SBF2: variants seen among roughly 807,000 people sequenced by gnomAD.
The protein encoded by SBF2 is myotubularin-related protein 13.
A neutral mutation model predicts 225.2 loss-of-function variants in SBF2; 112 were observed. The observed-to-expected ratio is 0.50, with a 90% CI of 0.43 to 0.58. The LOEUF (loss-of-function observed/expected upper bound fraction) is 0.58, where lower values mean the gene tolerates loss of function less well. Among genes scored for constraint, SBF2 ranks in the 20% least tolerant of loss-of-function variants. SBF2 has a pLI of 0.00. For missense variants in SBF2, 1,996 were observed against 2,206.2 expected (o/e 0.90, Z 1.91); for synonymous variants, 763 against 773.3 (o/e 0.99, Z 0.22).
At chr11:10,191,876 T>C (rs887209823) in intron 2 of SBF2, among the ~76,000 whole-genome samples, 3 of 152,226 alleles carry the variant, frequency 2.0e-5, no homozygotes, top group Non-Finnish European at 4.4e-5. Context: ...AAAACAACAC[T>C]ATCCTTTCTC....
chr11:10,183,107 T>C (rs1385879588), intron 2 of SBF2, among the ~76,000 whole-genome samples: 2 of 152,174 alleles, frequency 1.3e-5, no homozygotes, highest in Non-Finnish European at 2.9e-5. Flanking sequence ...GGTTTCACCA[T>C]GTTGCCCAGG....
At chr11:10,289,459 G>A (rs569778150) in intron 1 of SBF2, among the ~76,000 whole-genome samples, 18 of 152,234 alleles carry the variant, frequency 1.2e-4, no homozygotes, top group African/African-American at 4.3e-4. Context: ...GTAGCCTGGA[G>A]CAGGGGCTCC....
chr11:9,827,687 A>G lies in SBF2; in HGVS notation c.3793+1669T>C, dbSNP rs535325746. ...TTTCCTCATGTCAGCAGCTACCTGGATATCATGATGTCTTATCCTCCAAAC... is the reference window on the plus strand; with the variant it reads ...TTTCCTCATGTCAGCAGCTACCTGGGTATCATGATGTCTTATCCTCCAAAC... On this transcript the variant is annotated intron_variant, in intron 28 of 39. Coordinates refer to ENST00000256190, the MANE Select transcript of SBF2 (RefSeq NM_030962.4). Among the ~76,000 whole-genome samples, 46 of 152,348 alleles carry G rather than the reference A, an allele frequency of 3.0e-4. No individual in the cohort carries two copies. The South Asian group carries it at 9.3e-3, about 31-fold the overall frequency.
At chr11:10,063,327 A>AAT (rs149369410) in intron 2 of SBF2, among the ~76,000 whole-genome samples, 116 of 88,130 alleles carry the variant, frequency 1.3e-3, no homozygotes, top group African/African-American at 3.0e-3. Flanking sequence ...AAGTAAAAAA[A>AAT]ATATATATAT....
intron 1 of SBF2, among the ~76,000 whole-genome samples, chr11:10,252,570 A>G (rs1821373005): frequency 6.6e-6 from 1 of 152,162 alleles, no homozygotes; most frequent in Non-Finnish European, 1.5e-5. Context: ...TTGGGAGGCC[A>G]AGGCGGGCAG....
At chr11:9,890,046 G>A (rs1245812072) in intron 17 of SBF2, among the ~76,000 whole-genome samples, 4 of 152,138 alleles carry the variant, frequency 2.6e-5, no homozygotes, top group Non-Finnish European at 5.9e-5. Context: ...TGGGACTACA[G>A]AAGTGTGCCA....
At position 9,847,219 on chromosome 11, in the gene SBF2, G is replaced by C. The variant is rs923397931; in HGVS notation, c.2807-136C>G. ...CTGCCCAGGGATGCAGTGAAAGAAA[G>C]TGCCCTTCACTCCAGAAAAGGATTA... On this transcript the variant is annotated intron_variant, in intron 22 of 39. Transcript: ENST00000256190. The C allele has an allele frequency of 8.4e-6, 9 of 1,072,610 alleles. No homozygotes were observed. The Admixed American group carries it at 1.4e-4, about 16-fold the overall frequency. 66.4% of individuals were successfully genotyped at this position (1,072,610 alleles called of 1,614,324 possible).
intron 16 of SBF2, chr11:9,961,723 A>G (rs149491102): frequency 2.3e-6 from 1 of 441,614 alleles, no homozygotes; most frequent in African/African-American, 2.0e-5. Flanking sequence ...CTTATATTAC[A>G]GAACTAGTAA....
chr11:10,175,870 G>A (rs1382535983), intron 2 of SBF2, among the ~76,000 whole-genome samples: 24 of 151,806 alleles, frequency 1.6e-4, no homozygotes, highest in Admixed American at 1.1e-3. Context: ...ACTCAAAACC[G>A]CTCAACTACA....
At chr11:10,196,006 C>A (rs1346246444) in intron 1 of SBF2, among the ~76,000 whole-genome samples, 1 of 152,160 alleles carries the variant, frequency 6.6e-6, no homozygotes, top group Non-Finnish European at 1.5e-5. Context: ...AGTCCCTATC[C>A]TAAAGGAACT....
chr11:9,873,770 C>T (rs185028074), intron 17 of SBF2, among the ~76,000 whole-genome samples: 155 of 152,248 alleles, frequency 1.0e-3, no homozygotes, highest in African/African-American at 3.4e-3. Flanking sequence ...TATTTCTGGC[C>T]GGGCACGGTG....
intron 2 of SBF2, among the ~76,000 whole-genome samples, chr11:10,155,902 G>A (rs1439378658): frequency 6.6e-6 from 1 of 152,214 alleles, no homozygotes; most frequent in Non-Finnish European, 1.5e-5. Context: ...GTTTGGAGGA[G>A]CCCCTGTGGG....
At chr11:10,232,964 A>G (rs1366477528) in intron 1 of SBF2, among the ~76,000 whole-genome samples, 1 of 152,210 alleles carries the variant, frequency 6.6e-6, no homozygotes, top group Admixed American at 6.5e-5. Flanking sequence ...CAGGAAAACC[A>G]AGAGTACAAA....
intron 1 of SBF2, among the ~76,000 whole-genome samples, chr11:10,196,866 A>ATATATATATATATT: frequency 2.0e-5 from 2 of 99,314 alleles, no homozygotes; most frequent in African/African-American, 8.1e-5. Flanking sequence ...ATATATATAT[A>ATATATATATATATT]TTTTTTTTTT....
intron 34 of SBF2, among the ~76,000 whole-genome samples, chr11:9,790,090 G>A (rs1292181104): frequency 1.3e-5 from 2 of 152,242 alleles, no homozygotes; most frequent in Admixed American, 6.5e-5. Flanking sequence ...CGTGTGTTAT[G>A]TAGATGTGCA....
intron 17 of SBF2, among the ~76,000 whole-genome samples, chr11:9,877,662 T>C (rs1859375968): frequency 1.3e-5 from 2 of 152,330 alleles, no homozygotes; most frequent in Middle Eastern, 3.4e-3. Context: ...TTTTCTGCTC[T>C]TGCGATAGTT....
intron 1 of SBF2, among the ~76,000 whole-genome samples, chr11:10,226,247 G>C (rs1302660699): frequency 1.3e-5 from 2 of 151,988 alleles, no homozygotes; most frequent in Non-Finnish European, 2.9e-5. Flanking sequence ...AAATAAACGA[G>C]TCACAAAACA....
intron 2 of SBF2, among the ~76,000 whole-genome samples, chr11:10,086,053 G>A (rs574228103): frequency 6.2e-5 from 9 of 145,056 alleles, no homozygotes; most frequent in African/African-American, 2.3e-4. Flanking sequence ...GTGCATGCAC[G>A]TGTGTGTGTT....
intron 2 of SBF2, among the ~76,000 whole-genome samples, chr11:10,092,846 A>T (rs1486390605): frequency 1.3e-5 from 2 of 152,182 alleles, no homozygotes; most frequent in African/African-American, 2.4e-5. Context: ...TTTACTTGAT[A>T]TTCCTCTCAG....
Sources: gnomAD v4.1 joint callset for allele counts (sites outside exome capture counted in the v4.1 genomes callset) on GRCh38, gnomAD v4.1.1 for gene constraint, MANE v1.5 for transcripts, NCBI Gene and HGNC (gene_info 2026-07-23, HGNC 2026-07-21) for gene names.